The following GLIPR2 variants were observed in gnomAD, a reference collection of about 807,000 sequenced individuals.
GLIPR2 encodes the protein Golgi-associated plant pathogenesis-related protein 1.
In GLIPR2, 21 loss-of-function variants were observed where a neutral mutation model predicts 20.4. The ratio of observed to expected loss-of-function variants is 1.03; its 90% CI spans 0.73 to 1.48. GLIPR2 has a LOEUF of 1.48. Ranked by LOEUF, GLIPR2 falls within the 40% of genes most tolerant of loss-of-function variation. GLIPR2 has a pLI of 0.00. For synonymous variants in GLIPR2, 91 were observed against 80.5 expected, an observed-to-expected ratio of 1.13 and a Z score of -0.70; for missense variants, 205 against 200.1, an observed-to-expected ratio of 1.02 and a Z score of -0.15.
intron 1 of GLIPR2, among the ~76,000 whole-genome samples, chr9:36,145,920 T>C (rs1779855786): frequency 6.6e-6 from 1 of 152,172 alleles, no homozygotes; most frequent in African/African-American, 2.4e-5. Flanking sequence ...CCTCCTTGAC[T>C]TTGCCCTTTC....
At position 36,152,952 on chromosome 9, in the gene GLIPR2, C is replaced by CAA. The variant is rs67296666; in HGVS notation, c.304+2031_304+2032dup. Among the ~76,000 whole-genome samples, 113 of 14,036 alleles carry CAA rather than the reference C, an allele frequency of 8.1e-3. 23 individuals are homozygous for CAA. The highest frequency in any genetic ancestry group is 0.011 in the Non-Finnish European group (94 of 8,356). The allele number at this position is 14,036 out of a possible 152,430, so 9.2% of individuals were successfully genotyped here. ...TGAAATCCTGTCTCTACTGAAAGTG[C>CAA]AAAAAAAAAAAAAAAAAAAAAAAAA... On this transcript the variant is annotated intron_variant, in intron 4 of 4. Transcript: ENST00000377960.
chr9:36,138,949 C>T (rs543048879), intron 1 of GLIPR2, among the ~76,000 whole-genome samples: 1 of 151,998 alleles, frequency 6.6e-6, no homozygotes, highest in African/African-American at 2.4e-5. Flanking sequence ...CTGAAAGCAG[C>T]GTAACTAGAG....
At chr9:36,139,006 G>GGGA (rs2132705780) in intron 1 of GLIPR2, among the ~76,000 whole-genome samples, 1 of 152,190 alleles carries the variant, frequency 6.6e-6, no homozygotes, top group Non-Finnish European at 1.5e-5. Context: ...AGAAGGTGGA[G>GGGA]GGAGGATAGG....
intron 1 of GLIPR2, among the ~76,000 whole-genome samples, chr9:36,137,644 G>C (rs1221125872): frequency 1.3e-5 from 2 of 152,202 alleles, no homozygotes; most frequent in Admixed American, 6.5e-5. Context: ...AGTGGGCCGG[G>C]GACAAGAGTT....
chr9:36,162,442 G>T lies in GLIPR2; in HGVS notation c.385G>T (p.Val129Leu). The T allele has an allele frequency of 1.9e-6, 3 of 1,614,190 alleles. No homozygotes were observed. Among genetic ancestry groups the T allele is most frequent in the Non-Finnish European group, 2.5e-6 (3 of 1,180,030 alleles). The change falls in exon 5 of 5, where the codon GTG becomes TTG. Residue 129 changes from valine to leucine, a missense_variant. Coordinates refer to ENST00000377960, the MANE Select transcript of GLIPR2 (RefSeq NM_022343.4). ...KASASDGSSF[V>L]VARYFPAGNV... is the part of the protein sequence containing the mutation. ...GTCCGCAAGTGACGGGTCCTCCTTT[G>T]TGGTGGCCAGATACTTCCCAGCGGG...
In GLIPR2 at chr9:36,150,844, G is replaced by C. The variant is rs201973678; in HGVS notation, c.227-28G>C. The C allele has an allele frequency of 1.0e-5, 16 of 1,578,458 alleles. No individual in the cohort carries two copies. The East Asian group carries it at 3.6e-4, about 35-fold the overall frequency. ...GGGAGTGGGTGGATTTTGTGGCTGAGTTTTAGAACAATGTCATTTCCACAC... is the reference window on the plus strand; with the variant it reads ...GGGAGTGGGTGGATTTTGTGGCTGACTTTTAGAACAATGTCATTTCCACAC... On this transcript the variant is annotated intron_variant, in intron 3 of 4. Transcript: ENST00000377960.
rs566779388 is a variant in GLIPR2, at chr9:36,163,882, CAAT to C, written c.*1363_*1365del. On this transcript the variant is annotated 3_prime_UTR_variant, in exon 5 of 5. Transcript: ENST00000377960. ...TCACCAGGGATATTGACTAAGAAGACAATAAAATCTTTTTCTTTGTGTAATAAC... is the reference window on the plus strand; with the variant it reads ...TCACCAGGGATATTGACTAAGAAGACAAAATCTTTTTCTTTGTGTAATAAC... 4.3e-4 allele frequency: 66 copies of C among 152,790 alleles called. No individual in the cohort carries two copies. The highest frequency in any genetic ancestry group is 1.5e-3 in the African/African-American group (63 of 41,598). The allele number at this position is 152,790 out of a possible 1,614,324, so 9.5% of individuals were successfully genotyped here. A position where few individuals can be genotyped will look rare whatever the true frequency, so the allele number is the denominator to read the frequency against.
At chr9:36,162,337 T>C (rs1157275814) in intron 4 of GLIPR2, 25 bp from the exon 5 acceptor site, 3 of 1,603,456 alleles carry the variant, frequency 1.9e-6, no homozygotes, top group South Asian at 2.2e-5. Flanking sequence ...GCCGTGTCCC[T>C]CTCCCTCTGC....
intron 1 of GLIPR2, among the ~76,000 whole-genome samples, chr9:36,142,849 G>C (rs567221859): frequency 2.0e-4 from 31 of 152,260 alleles, no homozygotes; most frequent in Middle Eastern, 3.4e-3. Context: ...AGGACTGGCT[G>C]CCTGGTGGGA....
At chr9:36,143,829 G>T (rs899836651) in intron 1 of GLIPR2, among the ~76,000 whole-genome samples, 10 of 152,152 alleles carry the variant, frequency 6.6e-5, no homozygotes, top group East Asian at 1.9e-4. Context: ...TCGCCAGAAA[G>T]CTTTGACTAG....
At chr9:36,143,900 A>C (rs1825204647) in intron 1 of GLIPR2, among the ~76,000 whole-genome samples, 1 of 152,138 alleles carries the variant, frequency 6.6e-6, no homozygotes, top group Non-Finnish European at 1.5e-5. Context: ...CACTGGCCCC[A>C]GCTTTCCCCT....
Position 36,162,610 on chromosome 9 carries a change from C to A in GLIPR2, c.*88C>A. ...CCACAACCTGGCTGTGCGTCTGTCC[C>A]TGTGGGTGTATGTGCTTGTGTGTGT... On this transcript the variant is annotated 3_prime_UTR_variant, in exon 5 of 5. Coordinates refer to ENST00000377960, the MANE Select transcript of GLIPR2 (RefSeq NM_022343.4). 1 of 1,331,850 alleles carries A rather than the reference C, an allele frequency of 7.5e-7. No homozygotes were observed. Among genetic ancestry groups the A allele is most frequent in the East Asian group, 2.5e-5 (1 of 40,492 alleles). 82.5% of individuals were successfully genotyped at this position (1,331,850 alleles called of 1,614,324 possible).
intron 1 of GLIPR2, among the ~76,000 whole-genome samples, chr9:36,145,767 AGATGTTGGATGGATGGATGGTTCGAG>A (rs1462383864): frequency 2.6e-5 from 4 of 151,828 alleles, no homozygotes; most frequent in South Asian, 4.2e-4. Flanking sequence ...GATGAATGGA[AGATGTTGGATGGATGGATGGTTCGAG>A]GATGTTGGAT....
chr9:36,146,948 G>A (rs143467545), intron 1 of GLIPR2, among the ~76,000 whole-genome samples: 65 of 152,268 alleles, frequency 4.3e-4, no homozygotes, highest in African/African-American at 1.3e-3. Flanking sequence ...ATTAGGCACC[G>A]TCCTAGTGGG....
At chr9:36,141,913 C>T (rs1232839532) in intron 1 of GLIPR2, 1 of 455,602 alleles carries the variant, frequency 2.2e-6, no homozygotes, top group Admixed American at 2.4e-5. Context: ...CCAGTGCAGC[C>T]CCACCTAGGA....
rs780807516 is a variant in GLIPR2, at chr9:36,162,531, A to G, written c.*9A>G. The G allele has an allele frequency of 1.2e-6, 2 of 1,613,892 alleles. No homozygotes were observed. Among genetic ancestry groups the G allele is most frequent in the African/African-American group, 2.7e-5 (2 of 74,936 alleles). Reference sequence around the variant, plus strand: ...TGCCGCCGAAGAAGTAACTTGTTAAATGTAATGGGAAGGTGGCAGACTTAA... The same window carrying G: ...TGCCGCCGAAGAAGTAACTTGTTAAGTGTAATGGGAAGGTGGCAGACTTAA... On this transcript the variant is annotated 3_prime_UTR_variant, in exon 5 of 5. Coordinates refer to ENST00000377960, the MANE Select transcript of GLIPR2 (RefSeq NM_022343.4).
intron 3 of GLIPR2, among the ~76,000 whole-genome samples, chr9:36,149,508 C>T (rs1825488573): frequency 6.6e-6 from 1 of 152,214 alleles, no homozygotes; most frequent in Admixed American, 6.5e-5. Flanking sequence ...CCTGCAGGCT[C>T]CTTCCCAAGT....
intron 4 of GLIPR2, among the ~76,000 whole-genome samples, chr9:36,159,645 CT>C (rs1208574811): frequency 3.1e-4 from 47 of 152,008 alleles, no homozygotes; most frequent in Admixed American, 1.2e-3. Flanking sequence ...GTAAGAATAT[CT>C]TGGGAGGGAG....
intron 4 of GLIPR2, among the ~76,000 whole-genome samples, chr9:36,155,125 T>A (rs1274741649): frequency 6.6e-6 from 1 of 152,244 alleles, no homozygotes; most frequent in African/African-American, 2.4e-5. Flanking sequence ...AAGTTTAAAG[T>A]TAGTGGCAAA....
Sources: gnomAD v4.1 joint callset for allele counts (sites outside exome capture counted in the v4.1 genomes callset) on GRCh38, gnomAD v4.1.1 for gene constraint, MANE v1.5 for transcripts, NCBI Gene and HGNC (gene_info 2026-07-23, HGNC 2026-07-21) for gene names.